Variants in CSMD3 observed in about 807,000 individuals in gnomAD.
The protein encoded by CSMD3 is CUB and Sushi multiple domains 3.
Under a neutral mutation model 435.2 loss-of-function variants are expected in CSMD3, and 177 were observed. The observed-to-expected ratio is 0.41, with a 90% confidence interval of 0.36 to 0.46. CSMD3 has a LOEUF of 0.46. CSMD3 is among the 20% of genes least tolerant of loss of function. The pLI is 0.34. For missense variants in CSMD3, 4,265 were observed against 4,504.6 expected, an observed-to-expected ratio of 0.95 and a Z score of 1.52; for synonymous variants, 1,656 against 1,520.5, an observed-to-expected ratio of 1.09 and a Z score of -2.07.
intron 1 of CSMD3, among the ~76,000 whole-genome samples, chr8:113,401,931 A>T (rs978895105): frequency 2.7e-4 from 41 of 151,588 alleles, no homozygotes; most frequent in African/African-American, 9.2e-4. Context: ...AGAGTATAAT[A>T]TCTAGGTTTG....
At position 112,241,935 on chromosome 8, in the gene CSMD3, C is replaced by A. The variant is rs1340479798; in HGVS notation, c.10403-150G>T. The A allele has an allele frequency of 1.6e-5, 11 of 700,374 alleles. No individual in the cohort carries two copies. In the South Asian group the frequency reaches 1.6e-4, roughly 10 times the overall value. The allele number at this position is 700,374 out of a possible 1,614,324, so 43.4% of individuals were successfully genotyped here. On this transcript the variant is annotated intron_variant, in intron 65 of 70. Transcript: ENST00000297405. ...CATAGATAGTTTTCTCTAAAATGTT[C>A]CGTTCATCACAACATCTCAGTCCCC...
chr8:112,255,510 T>G, intron 61 of CSMD3, 83 bp from the exon 62 acceptor site: 2 of 1,182,680 alleles, frequency 1.7e-6, no homozygotes, highest in Non-Finnish European at 2.5e-6. Flanking sequence ...GACAATCAAT[T>G]TGAATATTGT....
rs559216180 is a variant in CSMD3 at position 113,098,744 on chromosome 8, C to G, written c.917+12G>C. ...AACATCAATGCAAGGTTAATAGAAG[C>G]TATTTACTTACCATATGGTAGGTGG... On this transcript the variant is annotated intron_variant, in intron 5 of 70. Transcript: ENST00000297405. 3.9e-6 allele frequency: 6 copies of G among 1,542,358 alleles called. No homozygotes were observed. The South Asian group carries it at 6.7e-5, about 17-fold the overall frequency.
chr8:112,920,993 G>A (rs1255280554), intron 10 of CSMD3, among the ~76,000 whole-genome samples: 25 of 112,270 alleles, frequency 2.2e-4, no homozygotes, highest in East Asian at 7.0e-4. Context: ...ACATACGCGC[G>A]CGCGCACACA....
At chr8:113,400,067 A>C (rs2094503218) in intron 1 of CSMD3, among the ~76,000 whole-genome samples, 1 of 151,910 alleles carries the variant, frequency 6.6e-6, no homozygotes, top group South Asian at 2.1e-4. Flanking sequence ...AATTTGCAGC[A>C]ATATCCCTAT....
intron 1 of CSMD3, among the ~76,000 whole-genome samples, chr8:113,367,612 T>C (rs1379011201): frequency 6.6e-6 from 1 of 152,068 alleles, no homozygotes; most frequent in Non-Finnish European, 1.5e-5. Flanking sequence ...CCACATATCT[T>C]AGTAACTTCG....
At chr8:112,732,042 G>A (rs762843411) in intron 13 of CSMD3, among the ~76,000 whole-genome samples, 11 of 151,930 alleles carry the variant, frequency 7.2e-5, no homozygotes, top group Non-Finnish European at 1.0e-4. Flanking sequence ...TAATTTAAAA[G>A]GCATTGTGTG....
At chr8:112,926,767 T>C (rs1189510089) in intron 9 of CSMD3, among the ~76,000 whole-genome samples, 1 of 151,980 alleles carries the variant, frequency 6.6e-6, no homozygotes, top group African/African-American at 2.4e-5. Flanking sequence ...TAATAGTGCT[T>C]GGGTCATAGA....
chr8:112,622,062 A>G (rs1172644571), intron 22 of CSMD3, among the ~76,000 whole-genome samples: 1 of 152,148 alleles, frequency 6.6e-6, no homozygotes. Context: ...ATAAAACAGG[A>G]GCTGTGTGAA....
intron 27 of CSMD3, among the ~76,000 whole-genome samples, chr8:112,547,461 T>A (rs564207425): frequency 8.2e-4 from 125 of 152,060 alleles, no homozygotes; most frequent in African/African-American, 2.2e-3. Flanking sequence ...GGTGGGAAGA[T>A]CGCTTGAACT....
chr8:113,234,238 T>G (rs754931043), intron 3 of CSMD3, among the ~76,000 whole-genome samples: 1 of 152,120 alleles, frequency 6.6e-6, no homozygotes, highest in African/African-American at 2.4e-5. Context: ...CATGAATACA[T>G]TGTCAAATTA....
intron 22 of CSMD3, among the ~76,000 whole-genome samples, chr8:112,591,265 A>G (rs906039856): frequency 2.0e-5 from 3 of 152,140 alleles, no homozygotes; most frequent in African/African-American, 7.2e-5. Context: ...ATATGAAAAT[A>G]ATATGATGAT....
chr8:112,615,582 C>A (rs1006001365), intron 22 of CSMD3, among the ~76,000 whole-genome samples: 12 of 151,936 alleles, frequency 7.9e-5, no homozygotes, highest in South Asian at 2.1e-4. Flanking sequence ...ATATAGAATA[C>A]GCCTACATCA....
intron 3 of CSMD3, among the ~76,000 whole-genome samples, chr8:113,223,526 T>C (rs1004468702): frequency 2.7e-5 from 4 of 150,366 alleles, no homozygotes; most frequent in Admixed American, 6.7e-5. Flanking sequence ...TGCAATAATA[T>C]ATATTAGCCT....
intron 53 of CSMD3, among the ~76,000 whole-genome samples, chr8:112,296,607 A>G (rs1820312489): frequency 6.6e-6 from 1 of 151,898 alleles, no homozygotes; most frequent in African/African-American, 2.4e-5. Flanking sequence ...TTAGAGGTAC[A>G]GATAAAGCAT....
intron 5 of CSMD3, among the ~76,000 whole-genome samples, chr8:113,043,431 T>C (rs2087706081): frequency 6.6e-6 from 1 of 152,152 alleles, no homozygotes; most frequent in South Asian, 2.1e-4. Flanking sequence ...AGGAAAATGT[T>C]TCCAGAAGTT....
intron 35 of CSMD3, among the ~76,000 whole-genome samples, chr8:112,405,758 C>A (rs537228678): frequency 4.6e-5 from 7 of 152,020 alleles, no homozygotes; most frequent in Admixed American, 1.3e-4. Flanking sequence ...TTCATATTTT[C>A]TAATTCTTTT....
chr8:112,334,343 T>G (rs564294355), intron 45 of CSMD3, among the ~76,000 whole-genome samples: 4 of 152,300 alleles, frequency 2.6e-5, no homozygotes, highest in African/African-American at 9.6e-5. Context: ...CAATCACAGT[T>G]GATTTACTAT....
At chr8:112,649,629 T>A (rs2075071382) in intron 19 of CSMD3, among the ~76,000 whole-genome samples, 1 of 152,178 alleles carries the variant, frequency 6.6e-6, no homozygotes. Context: ...ACTTCTGACT[T>A]ATTCTCATAG....
Sources: allele counts gnomAD v4.1 joint callset (sites outside exome capture counted in the v4.1 genomes callset), GRCh38; gene constraint gnomAD v4.1.1; transcripts MANE v1.5; gene names NCBI Gene and HGNC (gene_info 2026-07-23, HGNC 2026-07-21).